The following NGEF variants were observed in gnomAD, a reference collection of about 807,000 sequenced individuals.
NGEF encodes ephexin-1.
Under a neutral mutation model 80.9 loss-of-function variants are expected in NGEF, and 31 were observed. The ratio of observed to expected loss-of-function variants is 0.38; its 90% confidence interval spans 0.29 to 0.52. The LOEUF is 0.52. NGEF is among the 20% of genes least tolerant of loss of function. The pLI is 0.84. For synonymous variants in NGEF, 371 were observed against 370.2 expected, an observed-to-expected ratio of 1.00 and a Z score of -0.03; for missense variants, 709 against 926.2, an observed-to-expected ratio of 0.77 and a Z score of 3.04.
chr2:232,948,308 C>T (rs977128164), intron 3 of NGEF, among the ~76,000 whole-genome samples: 1 of 152,110 alleles, frequency 6.6e-6, no homozygotes, highest in Admixed American at 6.5e-5. Context: ...CTGCCTCAGA[C>T]AATCCCAGAG....
At chr2:232,905,516 T>G (rs914340479) in intron 5 of NGEF, 34 of 284,622 alleles carry the variant, frequency 1.2e-4, no homozygotes, top group Non-Finnish European at 2.0e-4. Flanking sequence ...CCTCTGCCGG[T>G]CCGCCACCCC....
chr2:232,894,677 C>T lies in NGEF; in HGVS notation c.989+79G>A, dbSNP rs555964379. The T allele has an allele frequency of 4.5e-6, 6 of 1,332,682 alleles. No homozygotes were observed. The East Asian group carries it at 9.4e-5, about 21-fold the overall frequency. 82.6% of individuals were successfully genotyped at this position (1,332,682 alleles called of 1,614,324 possible). The stretch of plus-strand genomic sequence containing the variant: ...GAAGTAGAGAAGCCAGTATCGAGCA[C>T]TTGTCATCAGTGTCTCAAGCATGTG... On this transcript the variant is annotated intron_variant, in intron 6 of 14. Transcript: ENST00000264051.
At chr2:232,908,411 A>G (rs1692623594) in intron 5 of NGEF, among the ~76,000 whole-genome samples, 1 of 152,216 alleles carries the variant, frequency 6.6e-6, no homozygotes, top group African/African-American at 2.4e-5. Flanking sequence ...GAGTCCCTCA[A>G]CACTAGGTTT....
At chr2:232,965,858 C>G (rs1308311868) in intron 3 of NGEF, among the ~76,000 whole-genome samples, 1 of 152,010 alleles carries the variant, frequency 6.6e-6, no homozygotes, top group East Asian at 1.9e-4. Context: ...ACTAAGCCAC[C>G]AAGACAGAAG....
chr2:232,885,466 C>A, intron 9 of NGEF, 97 bp from the exon 10 acceptor site: 1 of 940,808 alleles, frequency 1.1e-6, no homozygotes, highest in South Asian at 1.4e-5. Flanking sequence ...GAGTGACCAC[C>A]GTGACCAGAC....
At chr2:232,923,539 C>A (rs922981963) in intron 4 of NGEF, among the ~76,000 whole-genome samples, 2 of 151,980 alleles carry the variant, frequency 1.3e-5, no homozygotes, top group African/African-American at 4.8e-5. Context: ...AGTTCGAGAC[C>A]AGCCTGGGCA....
At chr2:232,882,907 G>C (rs568782715) in intron 12 of NGEF, among the ~76,000 whole-genome samples, 15 of 152,308 alleles carry the variant, frequency 9.8e-5, no homozygotes, top group African/African-American at 2.9e-4. Flanking sequence ...CAGCTGCTCA[G>C]AGAGGTGAAG....
At chr2:232,956,903 C>G (rs1693844793) in intron 3 of NGEF, among the ~76,000 whole-genome samples, 1 of 145,568 alleles carries the variant, frequency 6.9e-6, no homozygotes, top group East Asian at 2.0e-4. Context: ...GGAAATAAAA[C>G]AGTAAATCCA....
intron 3 of NGEF, among the ~76,000 whole-genome samples, chr2:232,929,177 G>T (rs1693164775): frequency 6.6e-6 from 1 of 152,214 alleles, no homozygotes; most frequent in Non-Finnish European, 1.5e-5. Flanking sequence ...GGGGTGGAGT[G>T]CGGAGCATAG....
intron 3 of NGEF, among the ~76,000 whole-genome samples, chr2:232,959,456 A>G (rs975695841): frequency 5.9e-5 from 9 of 152,106 alleles, no homozygotes; most frequent in Non-Finnish European, 1.3e-4. Context: ...CAACTTGTAC[A>G]TTTTCATAGA....
chr2:232,898,947 TGTAA>T (rs1692179824), intron 5 of NGEF, among the ~76,000 whole-genome samples: 1 of 151,986 alleles, frequency 6.6e-6, no homozygotes, highest in South Asian at 2.1e-4. Context: ...TGTGAGAGCA[TGTAA>T]GTGAATGTGT....
At chr2:233,008,654 C>T (rs900963818) in intron 1 of NGEF, among the ~76,000 whole-genome samples, 2 of 152,166 alleles carry the variant, frequency 1.3e-5, no homozygotes, top group African/African-American at 4.8e-5. Context: ...AGTTGCTTGC[C>T]CTTCTGCAGA....
chr2:232,974,923 A>C lies in NGEF; in HGVS notation c.-33T>G. 6.3e-7 allele frequency: 1 copy of C among 1,597,404 alleles called. No individual in the cohort carries two copies. Among genetic ancestry groups the C allele is most frequent in the Non-Finnish European group, 8.5e-7 (1 of 1,173,440 alleles). On this transcript the variant is annotated 5_prime_UTR_variant, in exon 2 of 15. Transcript: ENST00000264051. Reference sequence around the variant, plus strand: ...GAGCCAGATGTTTCTCAGCAGAACGACTGGAGGTCAATGACTTTCCCAAGC... The same window carrying C: ...GAGCCAGATGTTTCTCAGCAGAACGCCTGGAGGTCAATGACTTTCCCAAGC...
intron 5 of NGEF, among the ~76,000 whole-genome samples, chr2:232,904,058 G>C (rs1015427125): frequency 6.6e-6 from 1 of 152,096 alleles, no homozygotes; most frequent in African/African-American, 2.4e-5. Flanking sequence ...AGCATCTACC[G>C]AAAGAAAAGA....
At position 232,974,701 on chromosome 2, in the gene NGEF, T is replaced by C. The variant is rs750118286; in HGVS notation, c.190A>G (p.Ile64Val). 6.2e-7 allele frequency: 1 copy of C among 1,614,254 alleles called. No individual in the cohort carries two copies. Among genetic ancestry groups the C allele is most frequent in the Non-Finnish European group, 8.5e-7 (1 of 1,180,050 alleles). ...HCHIPIKRNSIFNRSIRRKSK... is the reference protein window; with the variant it reads ...HCHIPIKRNSVFNRSIRRKSK... ...TTGCGTCTTATGGAGCGATTGAAGA[T>C]GGAATTTCTCTTAATTGGGATGTGG... Residue 64 changes from isoleucine (I) to valine (V), a missense_variant, in exon 2 of 15, where the codon ATC becomes GTC. By Grantham distance (29) the Ile-to-Val change is conservative. Transcript: ENST00000264051.
intron 1 of NGEF, among the ~76,000 whole-genome samples, chr2:232,987,607 G>A (rs1224851880): frequency 6.6e-6 from 1 of 152,126 alleles, no homozygotes; most frequent in African/African-American, 2.4e-5. Flanking sequence ...TGGAACCCAT[G>A]GGCCCATTCC....
intron 3 of NGEF, among the ~76,000 whole-genome samples, chr2:232,948,159 G>GTGTT (rs1693599658): frequency 6.8e-6 from 1 of 148,120 alleles, no homozygotes; most frequent in Non-Finnish European, 1.5e-5. Context: ...GTGTGTGTGT[G>GTGTT]TGTGTGTGTG....
intron 1 of NGEF, among the ~76,000 whole-genome samples, chr2:233,001,947 G>A (rs1021622019): frequency 2.6e-5 from 4 of 152,092 alleles, no homozygotes; most frequent in Non-Finnish European, 5.9e-5. Flanking sequence ...CCCGGGAGAC[G>A]GAGGTTGCCC....
At chr2:232,972,744 C>CTTTTTTT (rs61594239) in intron 2 of NGEF, among the ~76,000 whole-genome samples, 26 of 123,374 alleles carry the variant, frequency 2.1e-4, no homozygotes, top group South Asian at 3.1e-4. Flanking sequence ...TGTCCTTATC[C>CTTTTTTT]TTTTTTTTTT....
Sources: allele counts gnomAD v4.1 joint callset (sites outside exome capture counted in the v4.1 genomes callset), GRCh38; gene constraint gnomAD v4.1.1; transcripts MANE v1.5; gene names NCBI Gene and HGNC (gene_info 2026-07-23, HGNC 2026-07-21).